The following RALYL variants were observed in gnomAD, a reference collection of about 807,000 sequenced individuals.
RALYL encodes the protein RALY RNA binding protein like.
RALYL carries 29 observed loss-of-function variants against 35.1 expected under a neutral mutation model. That is an observed-to-expected ratio of 0.83 (90% CI 0.61 to 1.13). The LOEUF (loss-of-function observed/expected upper bound fraction) is 1.13, where lower values mean the gene tolerates loss of function less well. Ranked by LOEUF, RALYL falls within the 50% of genes most tolerant of loss-of-function variation. The probability of loss-of-function intolerance (pLI) is 0.00; values close to 1 mark genes in which losing one functional copy is unlikely to be tolerated. For missense variants in RALYL, 359 were observed against 360.4 expected, an observed-to-expected ratio of 1.00 and a Z score of 0.03; for synonymous variants, 120 against 127.6, an observed-to-expected ratio of 0.94 and a Z score of 0.40.
intron 1 of RALYL, among the ~76,000 whole-genome samples, chr8:84,331,945 A>AAT (rs1449111697): frequency 6.6e-6 from 1 of 152,140 alleles, no homozygotes; most frequent in Non-Finnish European, 1.5e-5. Context: ...ATATTATTTG[A>AAT]ATATTGTGCA....
At chr8:84,396,046 T>G (rs1193579695) in intron 1 of RALYL, among the ~76,000 whole-genome samples, 2 of 152,010 alleles carry the variant, frequency 1.3e-5, no homozygotes, top group Non-Finnish European at 2.9e-5. Context: ...TTTGACTATA[T>G]GGACTAATTT....
At chr8:84,285,995 T>G (rs1038164401) in intron 1 of RALYL, among the ~76,000 whole-genome samples, 1 of 152,118 alleles carries the variant, frequency 6.6e-6, no homozygotes, top group Non-Finnish European at 1.5e-5. Flanking sequence ...GTGAGAAATT[T>G]TGGTGGTTTA....
At chr8:84,384,781 G>C (rs1450094194) in intron 1 of RALYL, among the ~76,000 whole-genome samples, 1 of 151,780 alleles carries the variant, frequency 6.6e-6, no homozygotes, top group Non-Finnish European at 1.5e-5. Flanking sequence ...AAACACTGAA[G>C]ATGTTTTAAG....
At chr8:84,190,362 G>C (rs1456337187) in intron 1 of RALYL, among the ~76,000 whole-genome samples, 1 of 152,096 alleles carries the variant, frequency 6.6e-6, no homozygotes, top group Admixed American at 6.6e-5. Context: ...GTGTTTAATT[G>C]CCTCTTCAGA....
chr8:84,385,030 G>C (rs73298772), intron 1 of RALYL, among the ~76,000 whole-genome samples: 4,291 of 151,792 alleles, frequency 0.028, 198 homozygotes, highest in African/African-American at 0.098. Context: ...TAGGTTGTAC[G>C]AGGACCTAAA....
At chr8:84,707,066 A>G (rs1179538208) in intron 2 of RALYL, among the ~76,000 whole-genome samples, 1 of 152,160 alleles carries the variant, frequency 6.6e-6, no homozygotes, top group Admixed American at 6.6e-5. Context: ...AAGCCAATAA[A>G]TCATATAAAG....
intron 1 of RALYL, among the ~76,000 whole-genome samples, chr8:84,220,234 C>T (rs1481987757): frequency 6.6e-6 from 1 of 152,008 alleles, no homozygotes; most frequent in African/African-American, 2.4e-5. Flanking sequence ...ATCTTAAGTT[C>T]TTTAAGACTA....
At chr8:84,716,707 C>T (rs924006856) in intron 2 of RALYL, among the ~76,000 whole-genome samples, 16 of 152,118 alleles carry the variant, frequency 1.1e-4, no homozygotes, top group African/African-American at 3.1e-4. Flanking sequence ...TATTCACTAT[C>T]CAGACAGAAA....
chr8:84,660,133 A>G (rs1258575950), intron 2 of RALYL, among the ~76,000 whole-genome samples: 5 of 152,174 alleles, frequency 3.3e-5, no homozygotes, highest in Non-Finnish European at 7.4e-5. Context: ...TTATTCTACT[A>G]CAGTTGGCCT....
chr8:84,620,327 G>A lies in RALYL; in HGVS notation c.256+90750G>A, dbSNP rs908016270. On this transcript the variant is annotated intron_variant, in intron 2 of 8. Transcript: ENST00000521268. ...ACTTTTTCTCTAAACTTCCCTTCTC[G>A]CTTCATTTCATTCATTTCATCTTCC... is the stretch of plus-strand genomic sequence containing the variant. Among the ~76,000 whole-genome samples, 93 of 151,956 alleles carry A rather than the reference G, an allele frequency of 6.1e-4. 1 individual carries two copies. Among genetic ancestry groups the A allele is most frequent in the East Asian group, 1.9e-3 (10 of 5,164 alleles).
chr8:84,849,549 T>C (rs932670377), intron 4 of RALYL, among the ~76,000 whole-genome samples: 2 of 149,948 alleles, frequency 1.3e-5, no homozygotes, highest in Non-Finnish European at 2.9e-5. Context: ...TAATTAAAAG[T>C]TTTTTGTTTT....
At chr8:84,493,981 G>T (rs1426218496) in intron 1 of RALYL, among the ~76,000 whole-genome samples, 1 of 152,084 alleles carries the variant, frequency 6.6e-6, no homozygotes, top group Non-Finnish European at 1.5e-5. Flanking sequence ...CTTTGCCCAT[G>T]CCTATGTCCT....
intron 1 of RALYL, among the ~76,000 whole-genome samples, chr8:84,353,895 G>A (rs960825020): frequency 2.0e-5 from 3 of 149,762 alleles, no homozygotes; most frequent in Admixed American, 2.0e-4. Context: ...ATAACAAAAG[G>A]ATCATTTTGA....
intron 4 of RALYL, among the ~76,000 whole-genome samples, chr8:84,844,592 C>T (rs894351536): frequency 6.6e-6 from 1 of 152,142 alleles, no homozygotes; most frequent in Non-Finnish European, 1.5e-5. Context: ...CTAGAAATAC[C>T]ATTTGACCCA....
intron 7 of RALYL, among the ~76,000 whole-genome samples, chr8:84,884,963 C>T (rs951445077): frequency 1.3e-5 from 2 of 151,968 alleles, no homozygotes; most frequent in Non-Finnish European, 2.9e-5. Flanking sequence ...GGGGCCAAAA[C>T]CAGAGTAGCC....
At chr8:84,900,627 C>G (rs893853045) in intron 8 of RALYL, among the ~76,000 whole-genome samples, 1 of 151,618 alleles carries the variant, frequency 6.6e-6, no homozygotes, top group Non-Finnish European at 1.5e-5. Flanking sequence ...TGTGGTGAGC[C>G]AAGATTGCAC....
At chr8:84,308,567 A>C (rs1264318840) in intron 1 of RALYL, among the ~76,000 whole-genome samples, 1 of 152,172 alleles carries the variant, frequency 6.6e-6, no homozygotes, top group East Asian at 1.9e-4. Flanking sequence ...TAGTTAATGC[A>C]TGCTAGGGAG....
chr8:84,618,373 A>G (rs1415580320), intron 2 of RALYL, among the ~76,000 whole-genome samples: 8 of 151,380 alleles, frequency 5.3e-5, no homozygotes, highest in African/African-American at 2.0e-4. Flanking sequence ...TTTGTAGTTT[A>G]TTTGCATAGA....
intron 2 of RALYL, among the ~76,000 whole-genome samples, chr8:84,726,358 G>A (rs1413402095): frequency 2.0e-5 from 3 of 147,698 alleles, no homozygotes; most frequent in Admixed American, 6.8e-5. Flanking sequence ...GTATAGTCCT[G>A]TGCAATGTCT....
Sources: allele counts gnomAD v4.1 joint callset (sites outside exome capture counted in the v4.1 genomes callset), GRCh38; gene constraint gnomAD v4.1.1; transcripts MANE v1.5; gene names NCBI Gene and HGNC (gene_info 2026-07-23, HGNC 2026-07-21).